NEK10: variants seen among roughly 807,000 people sequenced by gnomAD.
The protein encoded by NEK10 is serine/threonine-protein kinase Nek10.
In NEK10, 122 loss-of-function variants were observed where a neutral mutation model predicts 159.8. That is an observed-to-expected ratio of 0.76 (90% CI 0.66 to 0.89). NEK10 has a LOEUF of 0.89. Ranked by LOEUF, NEK10 falls within the 40% of genes least tolerant of loss-of-function variation. NEK10 has a pLI of 0.00. For missense variants in NEK10, 1,342 were observed against 1,323.1 expected, an observed-to-expected ratio of 1.01 and a Z score of -0.22; for synonymous variants, 466 against 457.1, an observed-to-expected ratio of 1.02 and a Z score of -0.25.
At chr3:27,278,723 A>C (rs1032204691) in intron 22 of NEK10, 40 of 984,536 alleles carry the variant, frequency 4.1e-5, no homozygotes, top group Non-Finnish European at 4.7e-5. Context: ...GCAAGCGGAC[A>C]TGGAAGGTTT....
intron 19 of NEK10, among the ~76,000 whole-genome samples, chr3:27,288,555 G>A (rs1257206754): frequency 1.3e-5 from 2 of 152,166 alleles, no homozygotes; most frequent in Non-Finnish European, 2.9e-5. Flanking sequence ...CGAATTCAGA[G>A]TTGGGTTCAA....
intron 3 of NEK10, among the ~76,000 whole-genome samples, chr3:27,349,983 G>C (rs547098293): frequency 9.5e-4 from 144 of 152,236 alleles, no homozygotes; most frequent in African/African-American, 3.2e-3. Context: ...GAACACAATG[G>C]AACAACAGGG....
chr3:27,361,585 C>T (rs1201214606), intron 1 of NEK10, among the ~76,000 whole-genome samples: 1 of 151,866 alleles, frequency 6.6e-6, no homozygotes, highest in African/African-American at 2.4e-5. Flanking sequence ...TTATTGAGTC[C>T]CTAGTATATG....
intron 32 of NEK10, among the ~76,000 whole-genome samples, chr3:27,122,797 T>C (rs916685652): frequency 1.3e-5 from 2 of 152,146 alleles, no homozygotes; most frequent in Admixed American, 1.3e-4. Context: ...TTACATGAAT[T>C]GTGACTTGGA....
chr3:27,262,369 ATGT>A (rs2040491837), intron 22 of NEK10, among the ~76,000 whole-genome samples: 1 of 152,140 alleles, frequency 6.6e-6, no homozygotes, highest in African/African-American at 2.4e-5. Context: ...CTGAATTTAA[ATGT>A]TGGCCTGCCT....
intron 31 of NEK10, 151 bp downstream of exon 31, chr3:27,141,331 C>G (rs1258539390): frequency 1.9e-6 from 1 of 513,330 alleles, no homozygotes; most frequent in African/African-American, 1.9e-5. Context: ...CTTCCCAGCT[C>G]TGCTGCTAAA....
chr3:27,202,634 T>C (rs934634200), intron 23 of NEK10, 77 bp from the exon 24 acceptor site: 4 of 1,370,378 alleles, frequency 2.9e-6, no homozygotes, highest in Non-Finnish European at 3.8e-6. Flanking sequence ...TCAAGCTTTA[T>C]TGGAGTTATT....
At chr3:27,233,354 C>T (rs1201350223) in intron 23 of NEK10, among the ~76,000 whole-genome samples, 1 of 152,018 alleles carries the variant, frequency 6.6e-6, no homozygotes, top group Non-Finnish European at 1.5e-5. Context: ...CCACCTTACT[C>T]CTGCAAGAAT....
intron 26 of NEK10, among the ~76,000 whole-genome samples, chr3:27,178,513 T>A (rs944949866): frequency 1.3e-5 from 2 of 152,244 alleles, no homozygotes; most frequent in African/African-American, 4.8e-5. Flanking sequence ...GTTAATAAAC[T>A]GTACCCTTAA....
chr3:27,311,100 G>A (rs2149592195), intron 8 of NEK10, 84 bp from the exon 9 acceptor site: 1 of 828,044 alleles, frequency 1.2e-6, no homozygotes. Flanking sequence ...CAGTGCATAT[G>A]GGCAGGCAGA....
In NEK10 at chr3:27,135,570, A is replaced by G. The variant is rs115303138; in HGVS notation, c.2971-3580T>C. 4.8e-4 allele frequency among the ~76,000 whole-genome samples: 73 copies of G among 152,338 alleles called. 1 individual carries two copies. The highest frequency in any genetic ancestry group is 1.7e-3 in the African/African-American group (69 of 41,590). ...TGGATTCTTTTAAAGAACTTGCTAT[A>G]TTCTCTAGTATCTCCAAGAATACAT... On this transcript the variant is annotated intron_variant, in intron 31 of 35. Coordinates refer to ENST00000691995, the MANE Select transcript of NEK10 (RefSeq NM_001394966.1).
At chr3:27,139,163 T>C (rs1414255771) in intron 31 of NEK10, among the ~76,000 whole-genome samples, 1 of 151,872 alleles carries the variant, frequency 6.6e-6, no homozygotes, top group Non-Finnish European at 1.5e-5. Context: ...ATGTGAAAGT[T>C]AGAAAAAAAA....
chr3:27,171,920 T>C, intron 28 of NEK10, 47 bp from the exon 29 acceptor site: 1 of 1,566,408 alleles, frequency 6.4e-7, no homozygotes, highest in Non-Finnish European at 8.7e-7. Context: ...CCTCTGCAAA[T>C]CTTTTATTTT....
chr3:27,319,918 T>G (rs1192812806), intron 6 of NEK10, among the ~76,000 whole-genome samples: 2 of 152,044 alleles, frequency 1.3e-5, no homozygotes. Flanking sequence ...CTATGGACCC[T>G]GCAGTACTGA....
Position 27,358,224 on chromosome 3 carries a change from T to C in NEK10, c.-37-5305A>G, listed in dbSNP as rs74638296. On this transcript the variant is annotated intron_variant, in intron 1 of 35. Transcript: ENST00000691995. Reference sequence around the variant, plus strand: ...GTTATATAGGGAGTAGTCACAGTAGTGAAAGATTATATATAAAAACCAAAG... The same window carrying C: ...GTTATATAGGGAGTAGTCACAGTAGCGAAAGATTATATATAAAAACCAAAG... Among the ~76,000 whole-genome samples the C allele has an allele frequency of 3.5e-3, 531 of 152,300 alleles. 1 individual carries two copies. Among genetic ancestry groups the C allele is most frequent in the Non-Finnish European group, 6.0e-3 (411 of 68,034 alleles).
At chr3:27,175,718 A>C (rs898454084) in intron 26 of NEK10, among the ~76,000 whole-genome samples, 51 of 152,228 alleles carry the variant, frequency 3.4e-4, no homozygotes, top group African/African-American at 4.8e-4. Context: ...CGTGGGGCTA[A>C]ACAGTGCTGG....
intron 30 of NEK10, among the ~76,000 whole-genome samples, chr3:27,153,698 T>C (rs1945119211): frequency 6.6e-6 from 1 of 152,190 alleles, no homozygotes; most frequent in Non-Finnish European, 1.5e-5. Context: ...AACCTGCTCC[T>C]GAATGAGCAA....
At chr3:27,199,008 G>A (rs1207740403) in intron 25 of NEK10, among the ~76,000 whole-genome samples, 1 of 150,222 alleles carries the variant, frequency 6.7e-6, no homozygotes, top group Non-Finnish European at 1.5e-5. Flanking sequence ...GGGAGGTGGA[G>A]GTTGCAGTGA....
At chr3:27,146,930 T>TA (rs551873635) in intron 30 of NEK10, among the ~76,000 whole-genome samples, 3 of 151,882 alleles carry the variant, frequency 2.0e-5, no homozygotes, top group Non-Finnish European at 4.4e-5. Flanking sequence ...TGCAGTACAA[T>TA]AAAAAAAGTA....
Sources: gnomAD v4.1 joint callset for allele counts (sites outside exome capture counted in the v4.1 genomes callset) on GRCh38, gnomAD v4.1.1 for gene constraint, MANE v1.5 for transcripts, NCBI Gene and HGNC (gene_info 2026-07-23, HGNC 2026-07-21) for gene names.